The following FLYWCH1 variants were observed in gnomAD, a reference collection of about 807,000 sequenced individuals.
FLYWCH1 encodes the protein FLYWCH-type zinc finger-containing protein 1.
FLYWCH1 carries 75 observed loss-of-function variants against 66.4 expected under a neutral mutation model. The ratio of observed to expected loss-of-function variants is 1.13; its 90% CI spans 0.94 to 1.37. The LOEUF is 1.37. Among genes scored for constraint, FLYWCH1 ranks in the 40% most tolerant of loss-of-function variants. FLYWCH1 has a pLI of 0.00. For missense variants in FLYWCH1, 1,334 were observed against 1,001.8 expected, an observed-to-expected ratio of 1.33 and a Z score of -4.48; for synonymous variants, 595 against 429.9, an observed-to-expected ratio of 1.38 and a Z score of -4.75.
intron 6 of FLYWCH1, chr16:2,936,373 G>T (rs962624307): frequency 2.2e-6 from 1 of 455,908 alleles, no homozygotes; most frequent in South Asian, 1.6e-5. Flanking sequence ...CCTGCCTCCC[G>T]AGCCTCCCTG....
intron 1 of FLYWCH1, among the ~76,000 whole-genome samples, chr16:2,913,496 A>G (rs2070061035): frequency 6.6e-6 from 1 of 152,122 alleles, no homozygotes; most frequent in African/African-American, 2.4e-5. Context: ...TCTGCACCCC[A>G]GGGAACGTTC....
chr16:2,921,004 G>A (rs891075178), intron 2 of FLYWCH1, among the ~76,000 whole-genome samples: 1 of 151,892 alleles, frequency 6.6e-6, no homozygotes, highest in Non-Finnish European at 1.5e-5. Flanking sequence ...ACCACGCCCA[G>A]TTAATTTTTT....
rs534891725 is a variant in FLYWCH1, at chr16:2,930,634, C to G, written c.550C>G (p.Arg184Gly). 1.9e-6 allele frequency: 3 copies of G among 1,548,682 alleles called. No individual in the cohort carries two copies. Among genetic ancestry groups the G allele is most frequent in the South Asian group, 1.2e-5 (1 of 84,104 alleles). The change falls in exon 4 of 10, where the codon CGG (arginine) becomes GGG (glycine). Residue 184 changes from arginine (R) to glycine (G), a missense_variant. Physicochemically the swap from Arg to Gly is moderately radical, Grantham distance 125. Coordinates refer to ENST00000253928, the MANE Select transcript of FLYWCH1 (RefSeq NM_001308068.2). ...GCCCGATGAGCAAGGCCTGGAGGCC[C>G]GGCGCCAGAGGGAGAAACTGCCCAG... ...HAPDEQGLEARRQREKLPSLA... is the reference protein window; with the variant it reads ...HAPDEQGLEAGRQREKLPSLA...
chr16:2,936,294 C>T (rs1224939504), intron 6 of FLYWCH1: 2 of 411,542 alleles, frequency 4.9e-6, no homozygotes, highest in Non-Finnish European at 9.7e-6. Flanking sequence ...CTGGCGTCCC[C>T]ACCTTCGTCC....
chr16:2,939,378 C>T, intron 8 of FLYWCH1, among the ~76,000 whole-genome samples: 1 of 152,194 alleles, frequency 6.6e-6, no homozygotes, highest in East Asian at 1.9e-4. Context: ...ATCACTTGAA[C>T]CTGGGAGGCG....
At position 2,929,885 on chromosome 16, in the gene FLYWCH1, C is replaced by A; in HGVS notation, c.200C>A (p.Ser67Tyr). 2 of 1,613,870 alleles carry A rather than the reference C, an allele frequency of 1.2e-6. No homozygotes were observed. Among genetic ancestry groups the A allele is most frequent in the Non-Finnish European group, 1.7e-6 (2 of 1,179,888 alleles). Reference protein sequence around the residue: ...SKPQEVHCVLSLEMAGPATLA... With the variant: ...SKPQEVHCVLYLEMAGPATLA... ...CCCCAGGAAGTGCACTGCGTCCTGT[C>A]CCTGGAGATGGCTGGCCCCGCCACC... Residue 67 changes from serine to tyrosine, a missense_variant, in exon 3 of 10, where the codon TCC (serine) becomes TAC (tyrosine). Transcript: ENST00000253928.
rs2071609959 is a variant in FLYWCH1, at chr16:2,949,370, CT to C, written c.*644del. On this transcript the variant is annotated 3_prime_UTR_variant, in exon 10 of 10. Transcript: ENST00000253928. ...CTCCTTCCAAGTTAAATTAAACCCCCTCTCCACGATTCCCACGGCAGGCGTC... is the reference window on the plus strand; with the variant it reads ...CTCCTTCCAAGTTAAATTAAACCCCCCTCCACGATTCCCACGGCAGGCGTC... The C allele has an allele frequency of 6.6e-6, 1 of 152,548 alleles. No individual in the cohort carries two copies. Among genetic ancestry groups the C allele is most frequent in the Non-Finnish European group, 1.5e-5 (1 of 68,308 alleles). 9.4% of individuals were successfully genotyped at this position (152,548 alleles called of 1,614,324 possible).
intron 9 of FLYWCH1, among the ~76,000 whole-genome samples, chr16:2,940,698 G>T (rs770885597): frequency 1.3e-5 from 2 of 152,220 alleles, no homozygotes; most frequent in Non-Finnish European, 2.9e-5. Context: ...CGGGTCTCCC[G>T]AGTGCTGGGA....
In FLYWCH1 at chr16:2,938,572, A is replaced by T. The variant is rs1269274227; in HGVS notation, c.2050+116A>T. On this transcript the variant is annotated intron_variant, in intron 8 of 9. Transcript: ENST00000253928. ...GCAGACTGCTTTTGTGCACACACAAATTATTCATATAAACAGAATGTGAAA... is the reference window on the plus strand; with the variant it reads ...GCAGACTGCTTTTGTGCACACACAATTTATTCATATAAACAGAATGTGAAA... The T allele has an allele frequency of 7.0e-6, 6 of 857,704 alleles. No individual in the cohort carries two copies. In the African/African-American group the frequency reaches 8.7e-5, roughly 12 times the overall value. 53.1% of individuals were successfully genotyped at this position (857,704 alleles called of 1,614,324 possible).
At chr16:2,928,771 C>A (rs550585292) in intron 2 of FLYWCH1, 1 of 152,368 alleles carries the variant, frequency 6.6e-6, no homozygotes, top group Non-Finnish European at 1.5e-5. Context: ...CCCCCAGGCC[C>A]CCACCCCAGC....
At chr16:2,943,361 T>A (rs1260522655) in intron 9 of FLYWCH1, 3 of 151,810 alleles carry the variant, frequency 2.0e-5, no homozygotes, top group Non-Finnish European at 2.9e-5. Context: ...AAATGCATCT[T>A]CCTGTTACTA....
At chr16:2,932,101 G>T (rs2070781424) in intron 4 of FLYWCH1, among the ~76,000 whole-genome samples, 1 of 126,022 alleles carries the variant, frequency 7.9e-6, no homozygotes, top group South Asian at 2.6e-4. Context: ...CTGGGCAAAA[G>T]AGCAAGACTC....
chr16:2,923,804 G>A (rs964388051), intron 2 of FLYWCH1, among the ~76,000 whole-genome samples: 7 of 152,080 alleles, frequency 4.6e-5, no homozygotes, highest in Non-Finnish European at 1.0e-4. Flanking sequence ...TTGGAAGGCT[G>A]AGGCGGGTGG....
intron 8 of FLYWCH1, among the ~76,000 whole-genome samples, chr16:2,939,428 C>T (rs1179934244): frequency 6.9e-6 from 1 of 145,716 alleles, no homozygotes; most frequent in East Asian, 1.9e-4. Context: ...TGCCCTCCAG[C>T]CTGGGCAACA....
Position 2,939,275 on chromosome 16 carries a change from G to A in FLYWCH1, c.2051-757G>A, listed in dbSNP as rs866325797. On this transcript the variant is annotated intron_variant, in intron 8 of 9. Transcript: ENST00000253928. ...ATCCTGATCAACATGGAGAAACCCCGTCTCTACTAAAAATACAAAATTAGC... is the reference window on the plus strand; with the variant it reads ...ATCCTGATCAACATGGAGAAACCCCATCTCTACTAAAAATACAAAATTAGC... Among the ~76,000 whole-genome samples, 8 of 152,066 alleles carry A rather than the reference G, an allele frequency of 5.3e-5. No individual in the cohort carries two copies. The East Asian group carries it at 5.8e-4, about 11-fold the overall frequency.
intron 8 of FLYWCH1, 90 bp from the exon 9 acceptor site, chr16:2,939,942 G>C (rs2071191580): frequency 6.8e-7 from 1 of 1,481,180 alleles, no homozygotes; most frequent in Non-Finnish European, 9.1e-7. Flanking sequence ...ACAGCCTTGA[G>C]GGCGTCGTTA....
chr16:2,932,002 C>T (rs1025968993), intron 4 of FLYWCH1, among the ~76,000 whole-genome samples: 3 of 151,858 alleles, frequency 2.0e-5, no homozygotes, highest in Admixed American at 6.6e-5. Context: ...CCTGTAGTCC[C>T]AGCTACTCGG....
intron 1 of FLYWCH1, among the ~76,000 whole-genome samples, chr16:2,913,647 C>T (rs975939162): frequency 3.9e-5 from 6 of 152,154 alleles, no homozygotes; most frequent in African/African-American, 1.4e-4. Flanking sequence ...GCCAACGGTG[C>T]TGAGATTGTG....
In FLYWCH1 at chr16:2,933,891, T is replaced by C. The variant is rs1348310945; in HGVS notation, c.1425T>C (p.Arg475=). The C allele has an allele frequency of 2.5e-6, 4 of 1,590,606 alleles. No homozygotes were observed. The highest frequency in any genetic ancestry group is 3.4e-6 in the Non-Finnish European group (4 of 1,169,146). ...AGGGCCGACGGGTGACTGTCATGCG[T>C]GGTCACTGCCACCCGCCCGACCTGG... The part of the protein sequence containing the change: ...ITQGRRVTVM[R]GHCHPPDLGG... The change falls in exon 6 of 10, where the codon CGT becomes CGC. Residue 475 remains arginine, a synonymous_variant. Transcript: ENST00000253928.
Sources: allele counts gnomAD v4.1 joint callset (sites outside exome capture counted in the v4.1 genomes callset), GRCh38; gene constraint gnomAD v4.1.1; transcripts MANE v1.5; gene names NCBI Gene and HGNC (gene_info 2026-07-23, HGNC 2026-07-21).